The following DOCK1 variants were observed in gnomAD, a reference collection of about 807,000 sequenced individuals.
The protein encoded by DOCK1 is dedicator of cytokinesis protein 1.
Under a neutral mutation model 262.7 loss-of-function variants are expected in DOCK1, and 138 were observed. The ratio of observed to expected loss-of-function variants is 0.53; its 90% CI spans 0.46 to 0.61. The LOEUF (loss-of-function observed/expected upper bound fraction) is 0.61. Among genes scored for constraint, DOCK1 ranks in the 20% least tolerant of loss-of-function variants. DOCK1 has a pLI of 0.00. For missense variants in DOCK1, 1,908 were observed against 2,370.7 expected, an observed-to-expected ratio of 0.80 and a Z score of 4.05; for synonymous variants, 866 against 867.4, an observed-to-expected ratio of 1.00 and a Z score of 0.03.
chr10:127,315,762 A>C (rs1445739981), intron 29 of DOCK1, among the ~76,000 whole-genome samples: 1 of 152,112 alleles, frequency 6.6e-6, no homozygotes, highest in East Asian at 1.9e-4. Flanking sequence ...CAGTGGCGCA[A>C]TCTCGGCTCA....
At chr10:126,942,590 C>G (rs1036168158) in intron 1 of DOCK1, among the ~76,000 whole-genome samples, 2 of 151,860 alleles carry the variant, frequency 1.3e-5, no homozygotes, top group Admixed American at 1.3e-4. Context: ...CTTAATGGAA[C>G]GAGCCAGCCC....
intron 27 of DOCK1, among the ~76,000 whole-genome samples, chr10:127,190,282 G>A (rs1380447319): frequency 2.0e-5 from 3 of 152,136 alleles, no homozygotes; most frequent in East Asian, 3.9e-4. Context: ...ATGGCCAGAC[G>A]TCAGTACTGT....
chr10:127,247,401 G>T (rs2059468240), intron 27 of DOCK1, among the ~76,000 whole-genome samples: 1 of 152,022 alleles, frequency 6.6e-6, no homozygotes, highest in South Asian at 2.1e-4. Context: ...TGTGGTGATT[G>T]CCTCCACATC....
intron 27 of DOCK1, among the ~76,000 whole-genome samples, chr10:127,164,315 C>G (rs1412086280): frequency 6.6e-6 from 1 of 151,636 alleles, no homozygotes; most frequent in Non-Finnish European, 1.5e-5. Context: ...TCTTGAGCAG[C>G]TGAGATTACA....
At position 127,451,834 on chromosome 10, in the gene DOCK1, A is replaced by C; in HGVS notation, c.*407A>C. The C allele has an allele frequency of 4.7e-6, 1 of 214,608 alleles. No individual in the cohort carries two copies. Among genetic ancestry groups the C allele is most frequent in the South Asian group, 7.7e-5 (1 of 12,998 alleles). 13.3% of individuals were successfully genotyped at this position (214,608 alleles called of 1,614,324 possible). The stretch of plus-strand genomic sequence containing the variant: ...TTAGGAAGCTGTGTAGTGATGATGT[A>C]TAAGAATCCTCCTCACTGTCATGGG... On this transcript the variant is annotated 3_prime_UTR_variant, in exon 52 of 52. Coordinates refer to ENST00000623213, the MANE Select transcript of DOCK1 (RefSeq NM_001290223.2).
intron 29 of DOCK1, among the ~76,000 whole-genome samples, chr10:127,302,018 C>G (rs1001251597): frequency 6.6e-6 from 1 of 151,992 alleles, no homozygotes; most frequent in Non-Finnish European, 1.5e-5. Flanking sequence ...TGTGCCTTCC[C>G]TTTTTCTTGC....
intron 29 of DOCK1, among the ~76,000 whole-genome samples, chr10:127,278,071 A>G (rs1007930333): frequency 6.6e-6 from 1 of 152,182 alleles, no homozygotes; most frequent in Non-Finnish European, 1.5e-5. Context: ...TTAGCTGTAG[A>G]CACCACATGA....
intron 46 of DOCK1, 133 bp from the exon 47 acceptor site, chr10:127,425,741 G>T (rs1216799347): frequency 1.5e-6 from 2 of 1,354,966 alleles, no homozygotes; most frequent in South Asian, 2.7e-5. Context: ...ATGCCTGCTG[G>T]TAAATTGAAT....
intron 30 of DOCK1, among the ~76,000 whole-genome samples, chr10:127,341,388 T>C (rs1469629989): frequency 6.6e-6 from 1 of 151,996 alleles, no homozygotes; most frequent in Non-Finnish European, 1.5e-5. Flanking sequence ...GTGCATTTCC[T>C]GTTCCATTTG....
chr10:127,354,580 A>C (rs748822637), intron 31 of DOCK1, 89 bp from the exon 32 acceptor site: 20 of 1,489,464 alleles, frequency 1.3e-5, no homozygotes, highest in Non-Finnish European at 1.9e-5. Context: ...CAGTGCTAGA[A>C]GGCTTTAATT....
At chr10:127,404,594 G>T (rs773021179) in intron 40 of DOCK1, among the ~76,000 whole-genome samples, 165 bp downstream of exon 40, 16 of 152,162 alleles carry the variant, frequency 1.1e-4, no homozygotes, top group Admixed American at 2.6e-4. Context: ...GGGTTGACAG[G>T]ATTTTATTTG....
chr10:127,032,066 C>G, intron 17 of DOCK1, 71 bp from the exon 18 acceptor site: 1 of 1,533,354 alleles, frequency 6.5e-7, no homozygotes, highest in South Asian at 1.2e-5. Flanking sequence ...TTAGGGATAA[C>G]AAAGGGTGGC....
chr10:127,110,879 T>C (rs987958423), intron 25 of DOCK1, among the ~76,000 whole-genome samples: 1 of 152,180 alleles, frequency 6.6e-6, no homozygotes, highest in Non-Finnish European at 1.5e-5. Context: ...AGTAATCATT[T>C]TTTTTCTATT....
At chr10:126,983,864 C>T (rs1170541632) in intron 4 of DOCK1, among the ~76,000 whole-genome samples, 1 of 152,216 alleles carries the variant, frequency 6.6e-6, no homozygotes, top group African/African-American at 2.4e-5. Flanking sequence ...ATTTTGTCCT[C>T]CATGCTTTTC....
At chr10:127,024,663 C>T (rs2042700095) in intron 14 of DOCK1, 22 bp from the exon 15 acceptor site, 6 of 1,593,908 alleles carry the variant, frequency 3.8e-6, no homozygotes, top group Middle Eastern at 1.7e-4. Context: ...CTTACGTGAG[C>T]TCTTTATGTC....
intron 2 of DOCK1, among the ~76,000 whole-genome samples, chr10:126,975,515 G>A (rs548950686): frequency 1.3e-5 from 2 of 152,168 alleles, no homozygotes; most frequent in South Asian, 2.1e-4. Context: ...TCTTAACTGT[G>A]TACTTTTCAT....
chr10:127,124,146 G>A (rs531110302), intron 25 of DOCK1, among the ~76,000 whole-genome samples: 1 of 152,292 alleles, frequency 6.6e-6, no homozygotes, highest in South Asian at 2.1e-4. Flanking sequence ...TCATTACAGT[G>A]TAGTTCTTGG....
intron 29 of DOCK1, among the ~76,000 whole-genome samples, chr10:127,317,713 G>A (rs2062346031): frequency 1.5e-5 from 2 of 132,194 alleles, no homozygotes; most frequent in African/African-American, 5.1e-5. Flanking sequence ...TTGAGATAAT[G>A]AACTTGGCCA....
chr10:127,037,875 G>A, intron 19 of DOCK1, 59 bp downstream of exon 19: 2 of 1,248,506 alleles, frequency 1.6e-6, no homozygotes, highest in East Asian at 5.2e-5. Flanking sequence ...TTTAATGTAT[G>A]TTAACAGAAG....
Sources: allele counts gnomAD v4.1 joint callset (sites outside exome capture counted in the v4.1 genomes callset), GRCh38; gene constraint gnomAD v4.1.1; transcripts MANE v1.5; gene names NCBI Gene and HGNC (gene_info 2026-07-23, HGNC 2026-07-21).